Variants in DCAF6 observed in about 807,000 individuals in gnomAD.
DCAF6 encodes the protein DDB1 and CUL4 associated factor 6, also known as DDB1- and CUL4-associated factor 6.
A neutral mutation model predicts 125.1 loss-of-function variants in DCAF6; 54 were observed. The observed-to-expected ratio is 0.43, with a 90% CI of 0.35 to 0.54. The LOEUF is 0.54. Among genes scored for constraint, DCAF6 ranks in the 20% least tolerant of loss-of-function variants. DCAF6 has a pLI of 0.01. For synonymous variants in DCAF6, 371 were observed against 390.4 expected (o/e 0.95, Z 0.58); for missense variants, 934 against 1,161.7 (o/e 0.80, Z 2.85).
chr1:167,991,525 A>G (rs1216027294), intron 6 of DCAF6, among the ~76,000 whole-genome samples, 186 bp downstream of exon 6: 1 of 152,200 alleles, frequency 6.6e-6, no homozygotes, highest in Non-Finnish European at 1.5e-5. Context: ...ATACTTTTGC[A>G]GTTTAAAAAG....
the DCAF6 span, among the ~76,000 whole-genome samples, chr1:167,866,289 C>CA: frequency 6.6e-6 from 1 of 152,162 alleles, no homozygotes; most frequent in Non-Finnish European, 1.5e-5. Context: ...TTTCGACTCT[C>CA]ACGTCCATTT....
chr1:168,038,363 A>G lies in DCAF6; in HGVS notation c.1610-8A>G, dbSNP rs1209549978. 6.3e-7 allele frequency: 1 copy of G among 1,595,918 alleles called. No homozygotes were observed. The highest frequency in any genetic ancestry group is 1.8e-5 in the Admixed American group (1 of 56,750). The stretch of plus-strand genomic sequence containing the variant: ...GACTTTTTCAAATGTTTTAAACACA[A>G]TTTTCAGATAACAATAATGAAAAGC... On this transcript the variant is annotated splice_region_variant and splice_polypyrimidine_tract_variant and intron_variant, in intron 12 of 21. Transcript: ENST00000367840.
At chr1:167,905,860 A>G in the DCAF6 span, among the ~76,000 whole-genome samples, 1 of 152,198 alleles carries the variant, frequency 6.6e-6, no homozygotes, top group East Asian at 1.9e-4. Context: ...AGGATTTCCT[A>G]AGGCCTTCCT....
At chr1:167,867,383 G>C in the DCAF6 span, among the ~76,000 whole-genome samples, 2 of 152,202 alleles carry the variant, frequency 1.3e-5, no homozygotes, top group African/African-American at 4.8e-5. Flanking sequence ...GACTTGTACA[G>C]TAAGGACTTC....
chr1:167,948,102 C>G (rs1673348809), intron 1 of DCAF6, among the ~76,000 whole-genome samples: 1 of 144,964 alleles, frequency 6.9e-6, no homozygotes, highest in African/African-American at 2.5e-5. Flanking sequence ...CTGAATTGGT[C>G]TCTTTAATAT....
the DCAF6 span, among the ~76,000 whole-genome samples, chr1:167,887,640 C>G: frequency 6.6e-6 from 1 of 152,000 alleles, no homozygotes; most frequent in East Asian, 1.9e-4. Flanking sequence ...GACATGTATA[C>G]ATAACGTAAC....
chr1:167,959,527 T>TATAA (rs1456006528), intron 2 of DCAF6, among the ~76,000 whole-genome samples: 1 of 152,234 alleles, frequency 6.6e-6, no homozygotes, highest in Non-Finnish European at 1.5e-5. Context: ...CAGCAATGAA[T>TATAA]ATAAGTTCCT....
intron 1 of DCAF6, among the ~76,000 whole-genome samples, chr1:167,946,345 A>G (rs1401359192): frequency 6.6e-6 from 1 of 152,148 alleles, no homozygotes; most frequent in Non-Finnish European, 1.5e-5. Context: ...TCCTTCCTTT[A>G]TAATTTTGAT....
At chr1:167,907,605 A>G in the DCAF6 span, among the ~76,000 whole-genome samples, 1 of 152,228 alleles carries the variant, frequency 6.6e-6, no homozygotes, top group African/African-American at 2.4e-5. Flanking sequence ...CACTCCTACC[A>G]TGTGCACAAT....
chr1:167,928,144 C>G, the DCAF6 span, among the ~76,000 whole-genome samples: 2 of 152,086 alleles, frequency 1.3e-5, no homozygotes, highest in South Asian at 4.1e-4. Context: ...GTCAGAAGAT[C>G]GAGACCATCC....
intron 10 of DCAF6, among the ~76,000 whole-genome samples, chr1:168,009,099 C>T (rs1011513229): frequency 4.0e-5 from 6 of 150,382 alleles, no homozygotes; most frequent in Admixed American, 1.3e-4. Context: ...CCTGGGTTCA[C>T]GCCATTCTCC....
At chr1:167,962,341 C>T (rs1398834388) in intron 2 of DCAF6, among the ~76,000 whole-genome samples, 2 of 151,744 alleles carry the variant, frequency 1.3e-5, no homozygotes, top group Non-Finnish European at 2.9e-5. Context: ...ATAGTTCTGT[C>T]AGTTTTTATC....
Position 167,989,274 on chromosome 1 carries a change from A to G in DCAF6, c.552+1666A>G, listed in dbSNP as rs376980185. Among the ~76,000 whole-genome samples the G allele has an allele frequency of 6.3e-4, 96 of 152,292 alleles. No individual in the cohort carries two copies. In the East Asian group the frequency reaches 0.014, roughly 23 times the overall value. The stretch of plus-strand genomic sequence containing the variant: ...TAAGTGGTGGGTACTAAATTTTGTT[A>G]TTGCAAACTCTCTTAAACTATTTTA... On this transcript the variant is annotated intron_variant, in intron 5 of 21. Coordinates refer to ENST00000367840, the MANE Select transcript of DCAF6 (RefSeq NM_001198956.2).
At chr1:168,055,044 T>G (rs1690456113) in intron 17 of DCAF6, among the ~76,000 whole-genome samples, 1 of 152,126 alleles carries the variant, frequency 6.6e-6, no homozygotes, top group Admixed American at 6.5e-5. Context: ...ACAGTGGTAT[T>G]CAGAATTATA....
intron 11 of DCAF6, among the ~76,000 whole-genome samples, chr1:168,017,887 A>G (rs570270912): frequency 2.0e-5 from 3 of 152,152 alleles, no homozygotes; most frequent in South Asian, 4.1e-4. Flanking sequence ...TAGAGTATCA[A>G]TTAGTGGTGA....
intron 11 of DCAF6, among the ~76,000 whole-genome samples, chr1:168,018,483 A>G (rs1361337208): frequency 6.6e-6 from 1 of 152,168 alleles, no homozygotes; most frequent in African/African-American, 2.4e-5. Context: ...AGGAGCGACT[A>G]CCCACCTGCT....
At chr1:167,869,023 C>A in the DCAF6 span, among the ~76,000 whole-genome samples, 51 of 152,156 alleles carry the variant, frequency 3.4e-4, no homozygotes, top group Admixed American at 1.2e-3. Context: ...AAAAATTTAA[C>A]CTTACTAATT....
the DCAF6 span, chr1:167,901,535 C>G: frequency 2.0e-6 from 2 of 987,034 alleles, no homozygotes; most frequent in African/African-American, 1.6e-5. Flanking sequence ...TGTCCTGATG[C>G]CAAAGTTCAG....
chr1:167,870,279 G>C, the DCAF6 span: 3 of 1,613,996 alleles, frequency 1.9e-6, no homozygotes, highest in East Asian at 4.5e-5. Context: ...CCTTGGGCCA[G>C]GTACTCAATT....
Sources: gnomAD v4.1 joint callset for allele counts (sites outside exome capture counted in the v4.1 genomes callset) on GRCh38, gnomAD v4.1.1 for gene constraint, MANE v1.5 for transcripts, NCBI Gene and HGNC (gene_info 2026-07-23, HGNC 2026-07-21) for gene names.